Variants in ACAD11 observed in about 807,000 individuals in gnomAD.
ACAD11 encodes acyl-Coenzyme A dehydrogenase family, member 11.
Under a neutral mutation model 102.2 loss-of-function variants are expected in ACAD11, and 83 were observed. The observed-to-expected ratio is 0.81, with a 90% confidence interval of 0.68 to 0.97. ACAD11 has a LOEUF of 0.97. Ranked by LOEUF, ACAD11 falls within the 50% of genes least tolerant of loss-of-function variation. The pLI is 0.00. For synonymous variants in ACAD11, 324 were observed against 319.8 expected, an observed-to-expected ratio of 1.01 and a Z score of -0.14; for missense variants, 901 against 951.7, an observed-to-expected ratio of 0.95 and a Z score of 0.70.
chr3:132,632,343 C>G (rs1434774954), intron 5 of ACAD11, among the ~76,000 whole-genome samples: 4 of 151,934 alleles, frequency 2.6e-5, no homozygotes, highest in Non-Finnish European at 5.9e-5. Flanking sequence ...CCTTGGCCGC[C>G]CAAAGGGAAT....
chr3:132,576,912 A>G (rs750519891), intron 16 of ACAD11, 32 bp downstream of exon 16: 11 of 1,451,652 alleles, frequency 7.6e-6, no homozygotes, highest in Middle Eastern at 1.8e-4. Flanking sequence ...TTAATGTACA[A>G]TACTGAAGAA....
intron 1 of ACAD11, among the ~76,000 whole-genome samples, chr3:132,645,425 G>T (rs1012390833): frequency 5.9e-5 from 9 of 152,176 alleles, no homozygotes; most frequent in African/African-American, 2.2e-4. Context: ...GCCCAGGGAA[G>T]TGCAATGCTG....
chr3:132,626,943 T>G, intron 8 of ACAD11, 126 bp from the exon 9 acceptor site: 1 of 883,282 alleles, frequency 1.1e-6, no homozygotes, highest in Non-Finnish European at 1.6e-6. Flanking sequence ...AGTAGCTGTA[T>G]TTTATATTTT....
chr3:132,581,613 A>G (rs1381566602), intron 13 of ACAD11, among the ~76,000 whole-genome samples: 2 of 152,024 alleles, frequency 1.3e-5, no homozygotes, highest in African/African-American at 4.8e-5. Context: ...TATAAAAGCA[A>G]ATAATGCAAA....
intron 11 of ACAD11, among the ~76,000 whole-genome samples, chr3:132,612,606 C>T (rs1300994839): frequency 6.6e-6 from 1 of 151,996 alleles, no homozygotes; most frequent in Non-Finnish European, 1.5e-5. Context: ...ATTTATGCAG[C>T]CAAAAAACAC....
chr3:132,622,001 C>T (rs552244739), intron 9 of ACAD11, among the ~76,000 whole-genome samples: 2 of 145,216 alleles, frequency 1.4e-5, no homozygotes, highest in East Asian at 2.0e-4. Context: ...AAAAAAGCCA[C>T]ATAAAACAAT....
At chr3:132,616,428 A>G (rs953828725) in intron 11 of ACAD11, among the ~76,000 whole-genome samples, 2 of 152,204 alleles carry the variant, frequency 1.3e-5, no homozygotes, top group African/African-American at 4.8e-5. Context: ...TGCATCATGA[A>G]ATCAACTTAA....
intron 5 of ACAD11, among the ~76,000 whole-genome samples, chr3:132,633,598 T>C (rs1398833132): frequency 6.6e-6 from 1 of 152,188 alleles, no homozygotes; most frequent in Non-Finnish European, 1.5e-5. Context: ...TAAAATGAGT[T>C]AGGGAGGATT....
chr3:132,648,285 C>T (rs1333921847), intron 1 of ACAD11, among the ~76,000 whole-genome samples: 2 of 152,162 alleles, frequency 1.3e-5, no homozygotes, highest in Non-Finnish European at 2.9e-5. Flanking sequence ...ATGCAGTTTA[C>T]TAATTAGATG....
At chr3:132,575,369 CCT>C (rs1397983514) in intron 17 of ACAD11, among the ~76,000 whole-genome samples, 1 of 152,082 alleles carries the variant, frequency 6.6e-6, no homozygotes, top group Non-Finnish European at 1.5e-5. Context: ...TTCTCCTTTC[CCT>C]GAGTTTTGGG....
At position 132,576,871 on chromosome 3, in the gene ACAD11, ACTTAT is replaced by A. The variant is rs1576553725; in HGVS notation, c.1846+68_1846+72del. ...AGACTTCAGGTCTAAATCTGGAAAG[ACTTAT>A]CTTTTCCAGATTTAGAGCTGAAATA... On this transcript the variant is annotated intron_variant, in intron 16 of 19. Transcript: ENST00000264990. 1.5e-5 allele frequency: 16 copies of A among 1,092,560 alleles called. No individual in the cohort carries two copies. The East Asian group carries it at 3.6e-4, about 25-fold the overall frequency. 67.7% of individuals were successfully genotyped at this position (1,092,560 alleles called of 1,614,324 possible).
chr3:132,576,885 G>T, intron 16 of ACAD11, 59 bp downstream of exon 16: 1 of 1,222,916 alleles, frequency 8.2e-7, no homozygotes, highest in Non-Finnish European at 1.2e-6. Context: ...ATCTTTTCCA[G>T]ATTTAGAGCT....
At chr3:132,572,865 C>T (rs1315501114) in intron 17 of ACAD11, among the ~76,000 whole-genome samples, 1 of 152,214 alleles carries the variant, frequency 6.6e-6, no homozygotes, top group Non-Finnish European at 1.5e-5. Context: ...GCGCACCTTC[C>T]TTACATCTTA....
chr3:132,633,560 C>T (rs567642725), intron 5 of ACAD11, among the ~76,000 whole-genome samples: 10 of 152,208 alleles, frequency 6.6e-5, no homozygotes, highest in African/African-American at 2.2e-4. Flanking sequence ...CTCTGCCAGG[C>T]TTTGGTATCA....
chr3:132,632,249 A>T (rs1457249558), intron 5 of ACAD11, among the ~76,000 whole-genome samples: 1 of 152,028 alleles, frequency 6.6e-6, no homozygotes, highest in African/African-American at 2.4e-5. Flanking sequence ...ACGCCCGGCT[A>T]ATTTTTTTTG....
At chr3:132,635,314 G>C (rs1478438735) in intron 5 of ACAD11, among the ~76,000 whole-genome samples, 1 of 151,972 alleles carries the variant, frequency 6.6e-6, no homozygotes, top group Admixed American at 6.6e-5. Flanking sequence ...ATACTATGGG[G>C]GGTGGGCAGT....
chr3:132,591,926 C>T (rs1181959482), intron 13 of ACAD11, among the ~76,000 whole-genome samples: 1 of 151,904 alleles, frequency 6.6e-6, no homozygotes, highest in Non-Finnish European at 1.5e-5. Flanking sequence ...GTTGCCACAG[C>T]CTTATATAAA....
Position 132,575,784 on chromosome 3 carries a change from C to T in ACAD11, c.1989G>A (p.Lys663=), listed in dbSNP as rs1380989434. The change falls in exon 17 of 20, where the codon AAG becomes AAA. Residue 663 remains lysine (K), a synonymous_variant. Coordinates refer to ENST00000264990, the MANE Select transcript of ACAD11 (RefSeq NM_032169.5). ...TAATCGTCCTCACATGTGCATACAA[C>T]TTCTTCTTGAAAGCTATCCTTTGTG... is the stretch of plus-strand genomic sequence containing the variant. ...RATQRIAFKK[K]LYAHEVVAHW... is the part of the protein sequence containing the mutation. 5.0e-6 allele frequency: 8 copies of T among 1,614,010 alleles called. No homozygotes were observed. Among genetic ancestry groups the T allele is most frequent in the Non-Finnish European group, 6.8e-6 (8 of 1,179,952 alleles).
intron 1 of ACAD11, chr3:132,647,220 C>G (rs1045404055): frequency 6.6e-6 from 1 of 152,136 alleles, no homozygotes; most frequent in Non-Finnish European, 1.5e-5. Context: ...TCAACACTGT[C>G]AATACAGTAC....
Sources: gnomAD v4.1 joint callset for allele counts (sites outside exome capture counted in the v4.1 genomes callset) on GRCh38, gnomAD v4.1.1 for gene constraint, MANE v1.5 for transcripts, NCBI Gene and HGNC (gene_info 2026-07-23, HGNC 2026-07-21) for gene names.